FAM240B: variants seen among roughly 807,000 people sequenced by gnomAD.
FAM240B encodes family with sequence similarity 240 member B, also known as protein FAM240B.
chr9:38,710,207 A>T (rs1426629561), intron 1 of FAM240B, among the ~76,000 whole-genome samples: 1 of 152,164 alleles, frequency 6.6e-6, no homozygotes, highest in Non-Finnish European at 1.5e-5. Flanking sequence ...TGACCTCGTG[A>T]TCCGCCTGCC....
chr9:38,717,043 C>T (rs1821311057), intron 1 of FAM240B, among the ~76,000 whole-genome samples: 1 of 152,102 alleles, frequency 6.6e-6, no homozygotes, highest in Non-Finnish European at 1.5e-5. Flanking sequence ...GGAACAGCCC[C>T]CGGAGGACGC....
intron 1 of FAM240B, among the ~76,000 whole-genome samples, chr9:38,709,279 T>C (rs1330916357): frequency 2.0e-5 from 3 of 152,214 alleles, no homozygotes; most frequent in Admixed American, 2.0e-4. Context: ...GCCATCTTCT[T>C]CCTTCCACTT....
At chr9:38,694,991 C>T (rs1425572077) in intron 2 of FAM240B, 122 bp from the exon 3 acceptor site, 2 of 395,030 alleles carry the variant, frequency 5.1e-6, no homozygotes, top group African/African-American at 2.1e-5. Flanking sequence ...GTGTGTTCCC[C>T]TCCCTGTGTC....
At chr9:38,719,064 C>T (rs992233767) in intron 1 of FAM240B, among the ~76,000 whole-genome samples, 3 of 151,938 alleles carry the variant, frequency 2.0e-5, no homozygotes, top group African/African-American at 7.3e-5. Flanking sequence ...TCATCAGCCT[C>T]AAGTTCAAGG....
In FAM240B at chr9:38,694,465, A is replaced by G. The variant is rs1821042814; in HGVS notation, c.*311T>C. The G allele has an allele frequency of 4.2e-6, 1 of 239,972 alleles. No homozygotes were observed. The highest frequency in any genetic ancestry group is 2.2e-5 in the African/African-American group (1 of 44,866). 14.9% of individuals were successfully genotyped at this position (239,972 alleles called of 1,614,324 possible). On this transcript the variant is annotated 3_prime_UTR_variant, in exon 3 of 3. Coordinates refer to ENST00000637493, the MANE Select transcript of FAM240B (RefSeq NM_001394922.1). ...AGACTTGAAACATTTCAAAATGACA[A>G]GGAAATGTGGAAATATACTAGGCTA... is the stretch of plus-strand genomic sequence containing the variant.
At chr9:38,696,737 T>C (rs951436814) in intron 2 of FAM240B, among the ~76,000 whole-genome samples, 2 of 151,916 alleles carry the variant, frequency 1.3e-5, no homozygotes, top group Admixed American at 6.6e-5. Context: ...TCGCTTGAAC[T>C]TGGGAGGCGG....
chr9:38,695,980 T>A (rs1821064516), intron 2 of FAM240B, among the ~76,000 whole-genome samples: 1 of 152,216 alleles, frequency 6.6e-6, no homozygotes, highest in African/African-American at 2.4e-5. Context: ...GAACATTATG[T>A]ATCTATATTC....
At chr9:38,719,903 G>T (rs1300225608) in intron 1 of FAM240B, 119 bp downstream of exon 1, 1 of 152,194 alleles carries the variant, frequency 6.6e-6, no homozygotes, top group East Asian at 1.9e-4. Context: ...AAGGTGAAGA[G>T]AAAATGAATT....
intron 1 of FAM240B, among the ~76,000 whole-genome samples, chr9:38,716,506 T>A (rs1821304896): frequency 6.6e-6 from 1 of 152,110 alleles, no homozygotes; most frequent in South Asian, 2.1e-4. Flanking sequence ...ATGGTCCCCT[T>A]CACACAGTGT....
chr9:38,694,925 C>A, intron 2 of FAM240B, 56 bp from the exon 3 acceptor site: 2 of 398,382 alleles, frequency 5.0e-6, no homozygotes, highest in South Asian at 2.6e-4. Context: ...CTGTGCTGGT[C>A]GACTGAACCG....
intron 1 of FAM240B, among the ~76,000 whole-genome samples, chr9:38,717,294 G>A (rs1183859295): frequency 2.6e-5 from 4 of 152,120 alleles, no homozygotes; most frequent in Admixed American, 2.6e-4. Flanking sequence ...AGTTAACAAA[G>A]TTTTGGCCGG....
chr9:38,706,438 G>T (rs1011347239), intron 1 of FAM240B, among the ~76,000 whole-genome samples: 1 of 152,114 alleles, frequency 6.6e-6, no homozygotes, highest in Non-Finnish European at 1.5e-5. Flanking sequence ...ACTGATGGAC[G>T]CTGGGGTGTT....
intron 1 of FAM240B, among the ~76,000 whole-genome samples, chr9:38,718,701 T>C (rs1014743884): frequency 6.6e-6 from 1 of 152,136 alleles, no homozygotes; most frequent in Non-Finnish European, 1.5e-5. Context: ...CATTAATCAG[T>C]TTCATTGCAT....
At chr9:38,709,372 G>A (rs1013973885) in intron 1 of FAM240B, among the ~76,000 whole-genome samples, 1 of 152,152 alleles carries the variant, frequency 6.6e-6, no homozygotes, top group African/African-American at 2.4e-5. Context: ...AGAATTGATA[G>A]CAATTTTAGA....
intron 1 of FAM240B, among the ~76,000 whole-genome samples, chr9:38,709,650 C>T (rs1476127643): frequency 6.6e-6 from 1 of 152,178 alleles, no homozygotes; most frequent in African/African-American, 2.4e-5. Context: ...CTGTGATCTC[C>T]TGTGGGATGG....
At chr9:38,702,797 G>C (rs761094087) in intron 2 of FAM240B, among the ~76,000 whole-genome samples, 4 of 152,074 alleles carry the variant, frequency 2.6e-5, no homozygotes, top group Non-Finnish European at 5.9e-5. Context: ...CTAGTTTTTC[G>C]CACATATACA....
chr9:38,717,651 T>C (rs1220750159), intron 1 of FAM240B, among the ~76,000 whole-genome samples: 1 of 151,590 alleles, frequency 6.6e-6, no homozygotes, highest in Non-Finnish European at 1.5e-5. Flanking sequence ...CGGCTAATTT[T>C]TTTGTATTTT....
chr9:38,718,708 G>C (rs1257331712), intron 1 of FAM240B, among the ~76,000 whole-genome samples: 1 of 151,488 alleles, frequency 6.6e-6, no homozygotes, highest in Non-Finnish European at 1.5e-5. Context: ...CAGTTTCATT[G>C]CATTCTTATG....
chr9:38,705,752 C>T (rs182572490), intron 1 of FAM240B, among the ~76,000 whole-genome samples: 7 of 152,314 alleles, frequency 4.6e-5, no homozygotes, highest in African/African-American at 7.2e-5. Context: ...CTGAAGGGAA[C>T]AGCATGTGTA....
Sources: allele counts gnomAD v4.1 joint callset (sites outside exome capture counted in the v4.1 genomes callset), GRCh38; gene constraint gnomAD v4.1.1; transcripts MANE v1.5; gene names NCBI Gene and HGNC (gene_info 2026-07-23, HGNC 2026-07-21).